Variants in NRCAM observed in about 807,000 individuals in gnomAD.
NRCAM encodes the protein NgCAM-related cell adhesion molecule.
NRCAM carries 83 observed loss-of-function variants against 156.5 expected under a neutral mutation model. The observed-to-expected ratio is 0.53, with a 90% CI of 0.44 to 0.64. NRCAM has a LOEUF of 0.64. Among genes scored for constraint, NRCAM ranks in the 30% least tolerant of loss-of-function variants. The probability of loss-of-function intolerance (pLI) is 0.00; values close to 1 mark genes in which losing one functional copy is unlikely to be tolerated. For missense variants in NRCAM, 1,417 were observed against 1,597.3 expected, an observed-to-expected ratio of 0.89 and a Z score of 1.92; for synonymous variants, 538 against 563.9, an observed-to-expected ratio of 0.95 and a Z score of 0.65.
intron 3 of NRCAM, among the ~76,000 whole-genome samples, chr7:108,241,962 C>T (rs1396707487): frequency 1.3e-5 from 2 of 152,058 alleles, no homozygotes; most frequent in Non-Finnish European, 2.9e-5. Flanking sequence ...TAGTAGGACA[C>T]TTCTTGCAAA....
chr7:108,400,689 T>C (rs1163637349), intron 1 of NRCAM, among the ~76,000 whole-genome samples: 1 of 152,200 alleles, frequency 6.6e-6, no homozygotes, highest in Non-Finnish European at 1.5e-5. Flanking sequence ...TCCAAAACTT[T>C]AGAACCCTAT....
At chr7:108,371,809 C>T (rs762387571) in intron 2 of NRCAM, among the ~76,000 whole-genome samples, 1 of 152,068 alleles carries the variant, frequency 6.6e-6, no homozygotes, top group African/African-American at 2.4e-5. Flanking sequence ...AAGTGATCTA[C>T]AGATTCAATA....
rs78413756 is a variant in NRCAM at position 108,239,219 on chromosome 7, A to G, written c.106+740T>C. Among the ~76,000 whole-genome samples, 973 of 152,278 alleles carry G rather than the reference A, an allele frequency of 6.4e-3. 4 individuals are homozygous for G. Among genetic ancestry groups the G allele is most frequent in the Non-Finnish European group, 0.011 (768 of 68,020 alleles). On this transcript the variant is annotated intron_variant, in intron 4 of 32. Coordinates refer to ENST00000379028, the MANE Select transcript of NRCAM (RefSeq NM_001037132.4). ...AGGCCACCCAGAGCAGGGAGAGCAC[A>G]GTATATATTTACTACTAGGAAAATG...
At chr7:108,359,762 C>T (rs187444606) in intron 2 of NRCAM, among the ~76,000 whole-genome samples, 2 of 152,228 alleles carry the variant, frequency 1.3e-5, no homozygotes, top group Admixed American at 1.3e-4. Context: ...CTTCAGTGTC[C>T]AGTTTGATGA....
chr7:108,238,927 AAAT>A (rs201893238), intron 4 of NRCAM, among the ~76,000 whole-genome samples: 175 of 151,702 alleles, frequency 1.2e-3, no homozygotes, highest in African/African-American at 4.1e-3. Flanking sequence ...TGGTAATAAT[AAAT>A]AATAATAATA....
intron 2 of NRCAM, among the ~76,000 whole-genome samples, chr7:108,350,790 A>G (rs1039527686): frequency 4.6e-5 from 7 of 151,960 alleles, no homozygotes; most frequent in African/African-American, 1.7e-4. Context: ...ATGATTTAAC[A>G]TATTTGAAAT....
chr7:108,257,020 GAAAA>G (rs1401943520), intron 3 of NRCAM, among the ~76,000 whole-genome samples: 1 of 60,680 alleles, frequency 1.6e-5, no homozygotes, highest in Non-Finnish European at 3.1e-5. Context: ...AAAAAAAAAA[GAAAA>G]AGAAAAAGAA....
intron 1 of NRCAM, among the ~76,000 whole-genome samples, chr7:108,415,402 T>C (rs866172881): frequency 6.6e-6 from 1 of 152,218 alleles, no homozygotes; most frequent in African/African-American, 2.4e-5. Flanking sequence ...TTGTGTCGTC[T>C]TTCTCAAATG....
chr7:108,316,057 T>C lies in NRCAM; in HGVS notation c.-173-3326A>G, dbSNP rs148365610. On this transcript the variant is annotated intron_variant, in intron 2 of 32. Coordinates refer to ENST00000379028, the MANE Select transcript of NRCAM (RefSeq NM_001037132.4). Reference sequence around the variant, plus strand: ...TATGGTTTGAATGTGCTTCACAAAGTTCATATGTGGGAAACTTAATCACAA... The same window carrying C: ...TATGGTTTGAATGTGCTTCACAAAGCTCATATGTGGGAAACTTAATCACAA... Among the ~76,000 whole-genome samples, 37 of 152,332 alleles carry C rather than the reference T, an allele frequency of 2.4e-4. 2 individuals are homozygous for C. In the East Asian group the frequency reaches 6.4e-3, roughly 26 times the overall value.
At chr7:108,305,265 T>C (rs1471007313) in intron 3 of NRCAM, among the ~76,000 whole-genome samples, 2 of 152,226 alleles carry the variant, frequency 1.3e-5, no homozygotes, top group Non-Finnish European at 2.9e-5. Context: ...AGAATATCTA[T>C]AGTTGGATTC....
At chr7:108,201,582 CAATAAT>C (rs1037455403) in intron 13 of NRCAM, among the ~76,000 whole-genome samples, 1 of 151,932 alleles carries the variant, frequency 6.6e-6, no homozygotes, top group Non-Finnish European at 1.5e-5. Context: ...GTTTTTACCA[CAATAAT>C]AATAATAATG....
intron 1 of NRCAM, among the ~76,000 whole-genome samples, chr7:108,446,609 A>G (rs375067507): frequency 2.7e-4 from 41 of 152,198 alleles, no homozygotes; most frequent in African/African-American, 8.2e-4. Context: ...AGGGCCCCCA[A>G]TGCCTGGATG....
intron 7 of NRCAM, 35 bp from the exon 8 acceptor site, chr7:108,231,188 T>C: frequency 6.6e-7 from 1 of 1,514,382 alleles, no homozygotes; most frequent in Non-Finnish European, 8.8e-7. Flanking sequence ...CAGTTATTTC[T>C]GCATTGAAAA....
chr7:108,150,025 T>C lies in NRCAM; in HGVS notation c.3800A>G (p.Asn1267Ser), dbSNP rs1270309441. Residue 1267 changes from asparagine to serine, a missense_variant, in exon 33 of 33, where the codon AAT (asparagine) becomes AGT (serine). Asn to Ser is a conservative substitution (Grantham distance 46). Transcript: ENST00000379028. ...DYGEGVNGQF[N>S]EDGSFIGQYS... Reference sequence around the variant, plus strand: ...TTGTCCAATAAAGGAGCCATCCTCATTGAACTGGCCATTAACCCCTTCTCC... The same window carrying C: ...TTGTCCAATAAAGGAGCCATCCTCACTGAACTGGCCATTAACCCCTTCTCC... The C allele has an allele frequency of 1.2e-6, 2 of 1,613,978 alleles. No homozygotes were observed. Among genetic ancestry groups the C allele is most frequent in the Non-Finnish European group, 8.5e-7 (1 of 1,179,966 alleles).
intron 13 of NRCAM, among the ~76,000 whole-genome samples, chr7:108,205,457 C>T (rs1016761973): frequency 1.3e-5 from 2 of 152,186 alleles, no homozygotes; most frequent in African/African-American, 4.8e-5. Context: ...TTAATCCTCC[C>T]CTGCTTATGT....
Position 108,453,975 on chromosome 7 carries a change from G to A in NRCAM, c.-332+2268C>T, listed in dbSNP as rs184647157. Among the ~76,000 whole-genome samples the A allele has an allele frequency of 1.2e-4, 19 of 152,156 alleles. No individual in the cohort carries two copies. The East Asian group carries it at 3.7e-3, about 29-fold the overall frequency. On this transcript the variant is annotated intron_variant, in intron 1 of 32. Coordinates refer to ENST00000379028, the MANE Select transcript of NRCAM (RefSeq NM_001037132.4). Reference sequence around the variant, plus strand: ...TTTGCAGTCAAAACCGTGTACAAAGGACATTCAGGGCTGGGGACCTTTTCT... The same window carrying A: ...TTTGCAGTCAAAACCGTGTACAAAGAACATTCAGGGCTGGGGACCTTTTCT...
At chr7:108,318,653 C>T (rs2193242) in intron 2 of NRCAM, among the ~76,000 whole-genome samples, 85,295 of 151,894 alleles carry the variant, frequency 0.56, 24,928 homozygotes, top group East Asian at 0.82. Context: ...TATGAGTGCA[C>T]ATGTGTGTGT....
intron 3 of NRCAM, among the ~76,000 whole-genome samples, chr7:108,300,160 CTTTTTTTTTT>C (rs10665036): frequency 9.6e-4 from 63 of 65,868 alleles, no homozygotes; most frequent in African/African-American, 2.4e-3. Context: ...TTTCTGTTGA[CTTTTTTTTTT>C]TTTTTTTTTT....
chr7:108,155,867 T>C (rs2045086365), intron 32 of NRCAM, among the ~76,000 whole-genome samples: 1 of 152,074 alleles, frequency 6.6e-6, no homozygotes, highest in African/African-American at 2.4e-5. Context: ...TTGGAATATA[T>C]CCTTTCCTTT....
Sources: gnomAD v4.1 joint callset for allele counts (sites outside exome capture counted in the v4.1 genomes callset) on GRCh38, gnomAD v4.1.1 for gene constraint, MANE v1.5 for transcripts, NCBI Gene and HGNC (gene_info 2026-07-23, HGNC 2026-07-21) for gene names.